The following CUX1 variants were observed in gnomAD, a reference collection of about 807,000 sequenced individuals.
The protein encoded by CUX1 is cut like homeobox 1.
Under a neutral mutation model 158.8 loss-of-function variants are expected in CUX1, and 31 were observed. The ratio of observed to expected loss-of-function variants is 0.20; its 90% CI spans 0.15 to 0.26. The LOEUF (loss-of-function observed/expected upper bound fraction) is 0.26, where lower values mean the gene tolerates loss of function less well. Ranked by LOEUF, CUX1 falls within the 10% of genes least tolerant of loss-of-function variation. The pLI, the probability that CUX1 is intolerant of heterozygous loss-of-function variation, is 1.00. For synonymous variants in CUX1, 879 were observed against 862.1 expected (o/e 1.02, Z -0.34); for missense variants, 1,589 against 2,014.6 (o/e 0.79, Z 4.04).
At chr7:102,138,734 A>G (rs1834148880) in intron 8 of CUX1, among the ~76,000 whole-genome samples, 1 of 152,142 alleles carries the variant, frequency 6.6e-6, no homozygotes, top group Non-Finnish European at 1.5e-5. Context: ...TGGATTTTCA[A>G]CGATCGTCTA....
At chr7:101,912,074 C>T (rs1412893288) in intron 1 of CUX1, among the ~76,000 whole-genome samples, 2 of 152,152 alleles carry the variant, frequency 1.3e-5, no homozygotes, top group Non-Finnish European at 2.9e-5. Context: ...GACCAGGGGC[C>T]CGCAGGTGTT....
intron 8 of CUX1, among the ~76,000 whole-genome samples, chr7:102,149,836 C>A (rs1237038811): frequency 2.0e-5 from 3 of 152,200 alleles, no homozygotes; most frequent in Admixed American, 6.5e-5. Flanking sequence ...GAGCCTGGCC[C>A]TGTCTCCACC....
chr7:101,983,449 C>A (rs970932720), intron 2 of CUX1, among the ~76,000 whole-genome samples: 3 of 152,174 alleles, frequency 2.0e-5, no homozygotes, highest in Non-Finnish European at 1.5e-5. Context: ...CCTGGGGTGC[C>A]CTGGGCCCAT....
At chr7:101,930,375 G>A (rs753300726) in intron 2 of CUX1, among the ~76,000 whole-genome samples, 40 of 152,160 alleles carry the variant, frequency 2.6e-4, no homozygotes, top group Admixed American at 1.3e-4. Flanking sequence ...AAGCCAAAGC[G>A]TGGGAAAATC....
chr7:101,915,994 T>G lies in CUX1; in HGVS notation c.31-121T>G, dbSNP rs548111916. On this transcript the variant is annotated intron_variant, in intron 1 of 23. Transcript: ENST00000292535. ...CTCCAGCCCCTCCTCTGCCAATGAG[T>G]TGATGTTCCTTAGAGCCACTGGGGT... is the stretch of plus-strand genomic sequence containing the variant. 2.3e-5 allele frequency: 16 copies of G among 697,036 alleles called. No individual in the cohort carries two copies. The African/African-American group carries it at 2.8e-4, about 12-fold the overall frequency. 43.2% of individuals were successfully genotyped at this position (697,036 alleles called of 1,614,324 possible).
intron 2 of CUX1, among the ~76,000 whole-genome samples, chr7:102,018,241 G>A (rs1818902088): frequency 6.6e-6 from 1 of 152,206 alleles, no homozygotes; most frequent in South Asian, 2.1e-4. Context: ...GATTACAGGT[G>A]TGAGCCACTG....
intron 10 of CUX1, among the ~76,000 whole-genome samples, chr7:102,176,848 C>T (rs575654577): frequency 3.2e-4 from 48 of 151,966 alleles, no homozygotes; most frequent in African/African-American, 1.1e-3. Context: ...GCTTGGATTA[C>T]AGGTGTGAGC....
intron 2 of CUX1, among the ~76,000 whole-genome samples, chr7:101,978,731 C>T (rs1179524025): frequency 2.6e-5 from 4 of 152,376 alleles, no homozygotes; most frequent in African/African-American, 9.6e-5. Flanking sequence ...CTCTGTCCTC[C>T]TCCTCTGCGC....
In CUX1 at chr7:102,217,584, G is replaced by A. The variant is rs188764156; in HGVS notation, c.3131-9783G>A. ...AGGGAGGCTCCAGATGGATGCCATG[G>A]TGTCTAGAGGGAGGGAGGCTCTGGA... On this transcript the variant is annotated intron_variant, in intron 20 of 23. Coordinates refer to ENST00000292535, the MANE Select transcript of CUX1 (RefSeq NM_181552.4). Among the ~76,000 whole-genome samples the A allele has an allele frequency of 7.4e-3, 1,134 of 152,286 alleles. 17 individuals are homozygous for A. Among genetic ancestry groups the A allele is most frequent in the African/African-American group, 0.025 (1,055 of 41,548 alleles).
chr7:101,967,074 C>T (rs455130), intron 2 of CUX1, among the ~76,000 whole-genome samples: 11,918 of 151,904 alleles, frequency 0.078, 578 homozygotes, highest in Middle Eastern at 0.12. Flanking sequence ...AGTTTAGTGG[C>T]GCAATCTCGG....
At chr7:102,154,616 A>G (rs1554504575) in intron 8 of CUX1, among the ~76,000 whole-genome samples, 2 of 151,882 alleles carry the variant, frequency 1.3e-5, no homozygotes, top group African/African-American at 4.8e-5. Context: ...AAATAAATAA[A>G]TAAATAAATA....
chr7:102,221,250 C>G (rs2132279930), intron 20 of CUX1, among the ~76,000 whole-genome samples: 1 of 152,368 alleles, frequency 6.6e-6, no homozygotes, highest in Middle Eastern at 3.4e-3. Flanking sequence ...AGTACCCTGT[C>G]ATTTTGTTTC....
At chr7:101,816,436 C>CGTT (rs1791794349), upstream of CUX1, among the ~76,000 whole-genome samples, 2 of 140,598 alleles carry the variant, frequency 1.4e-5, no homozygotes, top group Non-Finnish European at 3.1e-5. Flanking sequence ...CCGCCGCCGC[C>CGTT]GTTGCCGCCG....
intron 2 of CUX1, among the ~76,000 whole-genome samples, chr7:101,940,310 T>C (rs1019380740): frequency 4.7e-5 from 7 of 149,864 alleles, no homozygotes; most frequent in Non-Finnish European, 1.0e-4. Context: ...GTGTCACCAG[T>C]GGAAAAAAGA....
At chr7:101,986,413 C>CA (rs1461474010) in intron 2 of CUX1, among the ~76,000 whole-genome samples, 4 of 152,192 alleles carry the variant, frequency 2.6e-5, no homozygotes, top group African/African-American at 9.7e-5. Context: ...AATGAGCTCT[C>CA]AGTTAATTGA....
intron 1 of CUX1, among the ~76,000 whole-genome samples, chr7:101,821,529 G>C (rs200848588): frequency 6.7e-6 from 1 of 148,768 alleles, no homozygotes; most frequent in Non-Finnish European, 1.5e-5. Flanking sequence ...TAGTAGAGAC[G>C]GGGTTTCACC....
intron 2 of CUX1, among the ~76,000 whole-genome samples, chr7:102,006,662 C>T (rs921648918): frequency 3.3e-5 from 5 of 152,172 alleles, no homozygotes; most frequent in African/African-American, 1.2e-4. Flanking sequence ...GGATTACAGG[C>T]GTGAGCCACC....
chr7:102,249,191 C>G lies in CUX1; in HGVS notation c.*149C>G, dbSNP rs1801202009. The G allele has an allele frequency of 1.8e-6, 2 of 1,125,142 alleles. No individual in the cohort carries two copies. The highest frequency in any genetic ancestry group is 2.2e-6 in the Non-Finnish European group (2 of 917,450). The allele number at this position is 1,125,142 out of a possible 1,614,324, so 69.7% of individuals were successfully genotyped here. ...GGACCTGAGCCCGCAGCCCAGACCC[C>G]CTCCACGGTCCGCGGCCTGCACCGA... On this transcript the variant is annotated 3_prime_UTR_variant, in exon 24 of 24. Coordinates refer to ENST00000292535, the MANE Select transcript of CUX1 (RefSeq NM_181552.4).
At chr7:102,097,867 CAGTA>C (rs1554484867) in intron 5 of CUX1, among the ~76,000 whole-genome samples, 2 of 152,212 alleles carry the variant, frequency 1.3e-5, no homozygotes, top group Non-Finnish European at 2.9e-5. Context: ...GGGTCACACA[CAGTA>C]AGTCATTTAA....
Sources: gnomAD v4.1 joint callset for allele counts (sites outside exome capture counted in the v4.1 genomes callset) on GRCh38, gnomAD v4.1.1 for gene constraint, MANE v1.5 for transcripts, NCBI Gene and HGNC (gene_info 2026-07-23, HGNC 2026-07-21) for gene names.